The following INSR variants were observed in gnomAD, a reference collection of about 807,000 sequenced individuals.
INSR encodes insulin receptor.
INSR carries 67 observed loss-of-function variants against 142.6 expected under a neutral mutation model. That is an observed-to-expected ratio of 0.47 (90% CI 0.39 to 0.58). The LOEUF (loss-of-function observed/expected upper bound fraction) is 0.58, where lower values mean the gene tolerates loss of function less well. Ranked by LOEUF, INSR falls within the 20% of genes least tolerant of loss-of-function variation. The probability of loss-of-function intolerance (pLI) is 0.00; values close to 1 mark genes in which losing one functional copy is unlikely to be tolerated. For missense variants in INSR, 1,248 were observed against 1,833.2 expected, an observed-to-expected ratio of 0.68 and a Z score of 5.83; for synonymous variants, 756 against 743.1, an observed-to-expected ratio of 1.02 and a Z score of -0.28.
At chr19:7,157,583 G>A (rs970416784) in intron 9 of INSR, among the ~76,000 whole-genome samples, 3 of 152,034 alleles carry the variant, frequency 2.0e-5, no homozygotes, top group African/African-American at 7.2e-5. Context: ...AAGTACCGCA[G>A]CTGGTCATGT....
At chr19:7,123,278 C>T (rs1415690514) in intron 17 of INSR, 2 of 391,026 alleles carry the variant, frequency 5.1e-6, no homozygotes, top group Non-Finnish European at 9.7e-6. Context: ...AAGCAATTCT[C>T]CTGCCTCAGT....
chr19:7,153,355 AC>A (rs1973484592), intron 9 of INSR, among the ~76,000 whole-genome samples: 1 of 138,578 alleles, frequency 7.2e-6, no homozygotes. Flanking sequence ...CACAGACCAC[AC>A]ACCACACACC....
rs553075774 is a variant in INSR at position 7,280,307 on chromosome 19, G to A, written c.101-12411C>T. ...ACAAAACAAAACAAAGGCTGGGTGC[G>A]GTTGCTCACGCCTGTAATTCCAGCA... On this transcript the variant is annotated intron_variant, in intron 1 of 21. Coordinates refer to ENST00000302850, the MANE Select transcript of INSR (RefSeq NM_000208.4). Among the ~76,000 whole-genome samples, 11 of 151,906 alleles carry A rather than the reference G, an allele frequency of 7.2e-5. No homozygotes were observed. The East Asian group carries it at 9.7e-4, about 13-fold the overall frequency.
intron 21 of INSR, among the ~76,000 whole-genome samples, chr19:7,117,619 A>C (rs967548014): frequency 6.6e-6 from 1 of 152,042 alleles, no homozygotes; most frequent in Non-Finnish European, 1.5e-5. Context: ...TCTTCTTCTT[A>C]TTTTGGACAC....
At chr19:7,237,011 C>T (rs1407946451) in intron 2 of INSR, among the ~76,000 whole-genome samples, 1 of 137,484 alleles carries the variant, frequency 7.3e-6, no homozygotes, top group Non-Finnish European at 1.5e-5. Context: ...TGGGTGACAG[C>T]GTGAGACTCT....
At chr19:7,185,853 AAAAAAAG>A (rs1292677740) in intron 2 of INSR, among the ~76,000 whole-genome samples, 1 of 144,102 alleles carries the variant, frequency 6.9e-6, no homozygotes, top group Non-Finnish European at 1.5e-5. Context: ...AAAAAAAAAA[AAAAAAAG>A]AGAGAGAGAG....
Position 7,120,755 on chromosome 19 carries a change from A to G in INSR, c.3530-6T>C, listed in dbSNP as rs1972471729. ...GTCTCTGGTCATTCCAAAGTCTGAC[A>G]ACACAAAAGGTTCACACGCTCTTAA... On this transcript the variant is annotated splice_polypyrimidine_tract_variant and splice_region_variant and intron_variant, in intron 19 of 21. Transcript: ENST00000302850. The G allele has an allele frequency of 5.0e-6, 8 of 1,613,688 alleles. 1 individual carries two copies. In the South Asian group the frequency reaches 8.8e-5, roughly 18 times the overall value.
chr19:7,282,632 A>G (rs987535571), intron 1 of INSR, among the ~76,000 whole-genome samples: 1 of 151,618 alleles, frequency 6.6e-6, no homozygotes, highest in African/African-American at 2.4e-5. Flanking sequence ...CAGTGAGCTG[A>G]GATCGTGACA....
intron 1 of INSR, among the ~76,000 whole-genome samples, chr19:7,284,883 C>A (rs559692381): frequency 6.0e-4 from 92 of 152,282 alleles, no homozygotes; most frequent in African/African-American, 2.1e-3. Flanking sequence ...AGGGCTGAAG[C>A]AAGAAGGTGG....
At position 7,150,463 on chromosome 19, in the gene INSR, A is replaced by G. The variant is rs553853589; in HGVS notation, c.2267+34T>C. 1.2e-5 allele frequency: 19 copies of G among 1,609,574 alleles called. No homozygotes were observed. In the African/African-American group the frequency reaches 1.9e-4, roughly 16 times the overall value. On this transcript the variant is annotated intron_variant, in intron 11 of 21. Coordinates refer to ENST00000302850, the MANE Select transcript of INSR (RefSeq NM_000208.4). This position sits in a 1 kb window ranked among gnomAD's most constrained non-coding sequence, Gnocchi z 4.2. ...CTGGCACGCCGCCGGCCCTGCGCGG[A>G]GCAGGCACCAGGGGTCGCACAGGTG...
chr19:7,262,652 A>G (rs767152314), intron 2 of INSR, among the ~76,000 whole-genome samples: 2 of 152,218 alleles, frequency 1.3e-5, no homozygotes, highest in Non-Finnish European at 2.9e-5. Flanking sequence ...ATACAATGGA[A>G]CATGATTCAG....
rs1568470655 is a variant in INSR at position 7,184,645 on chromosome 19, GAGA to G, written c.653-11_653-9del. ...TACAGATGGTCGGGCAAACTGGAGAGAGAGAGAGAGAGAGAGGGAAATAAATAA... is the reference window on the plus strand; with the variant it reads ...TACAGATGGTCGGGCAAACTGGAGAGGAGAGAGAGAGAGGGAAATAAATAA... On this transcript the variant is annotated splice_polypyrimidine_tract_variant and intron_variant, in intron 2 of 21. Transcript: ENST00000302850. 2.7e-6 allele frequency: 4 copies of G among 1,466,802 alleles called. No homozygotes were observed. The highest frequency in any genetic ancestry group is 2.9e-5 in the African/African-American group (2 of 69,052). The allele number at this position is 1,466,802 out of a possible 1,614,324, so 90.9% of individuals were successfully genotyped here. A position where few individuals can be genotyped will look rare whatever the true frequency, so the allele number is the denominator to read the frequency against.
At chr19:7,137,214 G>A (rs568385219) in intron 13 of INSR, among the ~76,000 whole-genome samples, 1 of 151,698 alleles carries the variant, frequency 6.6e-6, no homozygotes, top group African/African-American at 2.4e-5. Flanking sequence ...AGCATGTGGT[G>A]GGAGTGAATA....
At chr19:7,256,258 T>C (rs1976888333) in intron 2 of INSR, among the ~76,000 whole-genome samples, 1 of 152,020 alleles carries the variant, frequency 6.6e-6, no homozygotes, top group South Asian at 2.1e-4. Flanking sequence ...GCCAACATAG[T>C]GAAACCCTGT....
rs1169935609 is a variant in INSR at position 7,114,402 on chromosome 19, A to G, written c.*2654T>C. 2.0e-5 allele frequency: 3 copies of G among 152,276 alleles called. No individual in the cohort carries two copies. Among genetic ancestry groups the G allele is most frequent in the African/African-American group, 7.2e-5 (3 of 41,472 alleles). 9.4% of individuals were successfully genotyped at this position (152,276 alleles called of 1,614,324 possible). A position where few individuals can be genotyped will look rare whatever the true frequency, so the allele number is the denominator to read the frequency against. On this transcript the variant is annotated 3_prime_UTR_variant, in exon 22 of 22. Coordinates refer to ENST00000302850, the MANE Select transcript of INSR (RefSeq NM_000208.4). ...GGAACTTAGTTTATGTTTGGGGAAC[A>G]TAGTGACAATAGATGGAGGATTTTT...
chr19:7,269,317 AAGT>A (rs1310395836), intron 1 of INSR, among the ~76,000 whole-genome samples: 2 of 150,768 alleles, frequency 1.3e-5, no homozygotes, highest in Non-Finnish European at 3.0e-5. Context: ...GGGAAAAAAA[AAGT>A]AGCAGTGATC....
chr19:7,281,121 C>T (rs1361987957), intron 1 of INSR, among the ~76,000 whole-genome samples: 1 of 152,070 alleles, frequency 6.6e-6, no homozygotes, highest in African/African-American at 2.4e-5. Flanking sequence ...TTTCAGGAGT[C>T]CTGAAATTTA....
In INSR at chr19:7,115,990, G is replaced by A. The variant is rs905334120; in HGVS notation, c.*1066C>T. 5.3e-5 allele frequency: 8 copies of A among 151,784 alleles called. No homozygotes were observed. The highest frequency in any genetic ancestry group is 1.2e-4 in the African/African-American group (5 of 41,286). The allele number at this position is 151,784 out of a possible 1,614,324, so 9.4% of individuals were successfully genotyped here. ...CATGTCCCCACTCCCCGCCAACCCC[G>A]GGGAATAGTCAATAACTTATGAGGC... is the stretch of plus-strand genomic sequence containing the variant. On this transcript the variant is annotated 3_prime_UTR_variant, in exon 22 of 22. Transcript: ENST00000302850.
At chr19:7,268,382 G>T (rs1944734898) in intron 1 of INSR, 8 of 962,120 alleles carry the variant, frequency 8.3e-6, no homozygotes, top group Non-Finnish European at 8.7e-6. Context: ...CTGCTCTCCT[G>T]ACCTGCAATC....
Sources: gnomAD v4.1 joint callset for allele counts (sites outside exome capture counted in the v4.1 genomes callset) on GRCh38, gnomAD v4.1.1 for gene constraint, Gnocchi (gnomAD v3.1) non-coding constraint, MANE v1.5 for transcripts, NCBI Gene and HGNC (gene_info 2026-07-23, HGNC 2026-07-21) for gene names.